MEIS2: variants seen among roughly 807,000 people sequenced by gnomAD.
MEIS2 encodes Meis homeobox 2.
Under a neutral mutation model 58.6 loss-of-function variants are expected in MEIS2, and 9 were observed. The ratio of observed to expected loss-of-function variants is 0.15; its 90% CI spans 0.09 to 0.27. The LOEUF (loss-of-function observed/expected upper bound fraction) is 0.27. MEIS2 is among the 10% of genes least tolerant of loss of function. MEIS2 has a pLI of 1.00. For synonymous variants in MEIS2, 221 were observed against 228.4 expected (o/e 0.97, Z 0.29); for missense variants, 427 against 635.0 (o/e 0.67, Z 3.52).
intron 1 of MEIS2, 141 bp from the exon 2 acceptor site, chr15:37,098,340 A>G (rs1894587747): frequency 3.1e-5 from 34 of 1,109,848 alleles, no homozygotes; most frequent in Non-Finnish European, 3.8e-5. Context: ...GGAGGGAGGT[A>G]AGAGAGAAGA....
chr15:37,099,500 G>C lies in MEIS2; in HGVS notation c.-34C>G, dbSNP rs753228724. ...GCTCCAATAAACTCCTGGATGTGTC[G>C]TATATTTAATATCCCAGTCCGGATA... is the stretch of plus-strand genomic sequence containing the variant. On this transcript the variant is annotated 5_prime_UTR_variant, in exon 1 of 12. Transcript: ENST00000561208. The C allele has an allele frequency of 7.4e-6, 12 of 1,612,992 alleles. No individual in the cohort carries two copies. Among genetic ancestry groups the C allele is most frequent in the Non-Finnish European group, 1.0e-5 (12 of 1,179,810 alleles).
rs561393192 is a variant in MEIS2 at position 36,929,859 on chromosome 15, A to G, written c.977+20465T>C. Among the ~76,000 whole-genome samples the G allele has an allele frequency of 7.2e-5, 11 of 152,256 alleles. No homozygotes were observed. The South Asian group carries it at 2.3e-3, about 32-fold the overall frequency. On this transcript the variant is annotated intron_variant, in intron 9 of 11. Coordinates refer to ENST00000561208, the MANE Select transcript of MEIS2 (RefSeq NM_170675.5). Reference sequence around the variant, plus strand: ...ACAGAGATTGATGACAGAGGTGACAACTCAGCAGAAAATATCGGTTGTCAA... The same window carrying G: ...ACAGAGATTGATGACAGAGGTGACAGCTCAGCAGAAAATATCGGTTGTCAA...
At chr15:37,031,418 C>CGTGTGTGTGT (rs2061915653) in intron 8 of MEIS2, among the ~76,000 whole-genome samples, 1 of 37,890 alleles carries the variant, frequency 2.6e-5, no homozygotes, top group Non-Finnish European at 5.7e-5. Flanking sequence ...TCCTCCCTTG[C>CGTGTGTGTGT]ATATGTGTGT....
chr15:37,018,931 C>G (rs2061433654), intron 8 of MEIS2, among the ~76,000 whole-genome samples: 1 of 152,086 alleles, frequency 6.6e-6, no homozygotes, highest in Admixed American at 6.5e-5. Context: ...AATGACAGTC[C>G]CAAACATCAC....
intron 8 of MEIS2, among the ~76,000 whole-genome samples, chr15:37,013,756 C>A (rs757045325): frequency 6.6e-6 from 1 of 151,772 alleles, no homozygotes; most frequent in African/African-American, 2.4e-5. Context: ...ATGACTATAC[C>A]CATTTTACAA....
intron 8 of MEIS2, among the ~76,000 whole-genome samples, chr15:36,982,812 CT>C (rs1201695986): frequency 1.3e-5 from 2 of 152,034 alleles, no homozygotes; most frequent in African/African-American, 4.8e-5. Context: ...TTTGTCATCC[CT>C]TAACTCTTCT....
intron 8 of MEIS2, among the ~76,000 whole-genome samples, chr15:36,972,076 C>T (rs1325315006): frequency 6.6e-6 from 1 of 152,068 alleles, no homozygotes; most frequent in Non-Finnish European, 1.5e-5. Context: ...AAATGTAAAA[C>T]TAACTTTATT....
chr15:36,997,715 T>C (rs1199074053), intron 8 of MEIS2, among the ~76,000 whole-genome samples: 4 of 152,108 alleles, frequency 2.6e-5, no homozygotes, highest in African/African-American at 9.7e-5. Flanking sequence ...TCTCCTGACC[T>C]AGTGATCTGT....
intron 7 of MEIS2, among the ~76,000 whole-genome samples, chr15:37,046,072 G>A (rs1005096309): frequency 6.6e-5 from 10 of 152,208 alleles, no homozygotes; most frequent in Admixed American, 2.0e-4. Context: ...AGCCTCAAAT[G>A]GCTCCAAATG....
intron 9 of MEIS2, 143 bp downstream of exon 9, chr15:36,950,181 C>T (rs2058706477): frequency 1.5e-6 from 1 of 649,080 alleles, no homozygotes; most frequent in Admixed American, 2.9e-5. Context: ...CCTAATCACC[C>T]CTTTCACACC....
intron 7 of MEIS2, among the ~76,000 whole-genome samples, chr15:37,050,402 A>G (rs2062865088): frequency 2.0e-5 from 3 of 152,150 alleles, no homozygotes; most frequent in Admixed American, 2.0e-4. Flanking sequence ...GTGGGTTTAT[A>G]TCTAAAACTT....
At chr15:37,020,920 G>A (rs1035414977) in intron 8 of MEIS2, among the ~76,000 whole-genome samples, 2 of 151,982 alleles carry the variant, frequency 1.3e-5, no homozygotes, top group African/African-American at 4.8e-5. Flanking sequence ...GCCTCCATAT[G>A]ATACCTATTT....
intron 7 of MEIS2, among the ~76,000 whole-genome samples, chr15:37,057,581 G>C (rs1468090328): frequency 6.6e-6 from 1 of 152,058 alleles, no homozygotes; most frequent in Non-Finnish European, 1.5e-5. Context: ...AGGGCTCAAC[G>C]GGGCCTCCTG....
rs2055793508 is a variant in MEIS2 at position 36,890,040 on chromosome 15, C to T, written c.*2133G>A. The T allele has an allele frequency of 6.6e-6, 1 of 152,110 alleles. No homozygotes were observed. The highest frequency in any genetic ancestry group is 1.5e-5 in the Non-Finnish European group (1 of 68,008). The allele number at this position is 152,110 out of a possible 1,614,324, so 9.4% of individuals were successfully genotyped here. A position where few individuals can be genotyped will look rare whatever the true frequency, so the allele number is the denominator to read the frequency against. On this transcript the variant is annotated 3_prime_UTR_variant, in exon 12 of 12. Transcript: ENST00000561208. Reference sequence around the variant, plus strand: ...ATTTCCTCGTTCATTTATATAGAACCTCCATAAATGCTGTCTGAAATGGAA... The same window carrying T: ...ATTTCCTCGTTCATTTATATAGAACTTCCATAAATGCTGTCTGAAATGGAA...
chr15:37,100,218 C>T lies in MEIS2; in HGVS notation c.-752G>A, dbSNP rs550701321. On this transcript the variant is annotated 5_prime_UTR_variant, in exon 1 of 12. Transcript: ENST00000561208. ...TGCAAAAATTGGACTTCCTCCCCCC[C>T]TTTCCTGGTAGGTATTTTGTCTCTC... The T allele has an allele frequency of 3.3e-5, 5 of 152,560 alleles. No individual in the cohort carries two copies. Among genetic ancestry groups the T allele is most frequent in the African/African-American group, 1.2e-4 (5 of 41,400 alleles). The allele number at this position is 152,560 out of a possible 1,614,324, so 9.5% of individuals were successfully genotyped here. A position where few individuals can be genotyped will look rare whatever the true frequency, so the allele number is the denominator to read the frequency against.
intron 2 of MEIS2, 135 bp downstream of exon 2, chr15:37,097,832 C>T: frequency 7.4e-7 from 1 of 1,348,850 alleles, no homozygotes; most frequent in Non-Finnish European, 9.8e-7. Context: ...CGGTCCCTTC[C>T]TAAGGCAAGC....
At chr15:37,021,655 G>T (rs573441385) in intron 8 of MEIS2, among the ~76,000 whole-genome samples, 10 of 152,146 alleles carry the variant, frequency 6.6e-5, no homozygotes, top group Non-Finnish European at 1.5e-4. Flanking sequence ...GGTTTCCAGT[G>T]TTCCCAGTGT....
intron 8 of MEIS2, among the ~76,000 whole-genome samples, chr15:36,997,377 C>T (rs2060558753): frequency 1.3e-5 from 2 of 152,054 alleles, no homozygotes; most frequent in African/African-American, 4.8e-5. Flanking sequence ...GAACATTTTG[C>T]TAACTTTGAG....
intron 4 of MEIS2, among the ~76,000 whole-genome samples, chr15:37,095,318 T>C (rs1894089689): frequency 6.6e-6 from 1 of 152,184 alleles, no homozygotes; most frequent in East Asian, 1.9e-4. Flanking sequence ...AAACATCCCC[T>C]GCTCGCGCTC....
Sources: gnomAD v4.1 joint callset for allele counts (sites outside exome capture counted in the v4.1 genomes callset) on GRCh38, gnomAD v4.1.1 for gene constraint, MANE v1.5 for transcripts, NCBI Gene and HGNC (gene_info 2026-07-23, HGNC 2026-07-21) for gene names.